BRIP1: variants seen among roughly 807,000 people sequenced by gnomAD.
BRIP1 encodes the protein Fanconi anemia group J protein.
In BRIP1, 88 loss-of-function variants were observed where a neutral mutation model predicts 119.7. The observed-to-expected ratio is 0.74, with a 90% CI of 0.62 to 0.88. The LOEUF is 0.88. BRIP1 is among the 40% of genes least tolerant of loss of function. The pLI, the probability that BRIP1 is intolerant of heterozygous loss-of-function variation, is 0.00. For missense variants in BRIP1, 1,259 were observed against 1,455.4 expected, an observed-to-expected ratio of 0.87 and a Z score of 2.20; for synonymous variants, 443 against 496.5, an observed-to-expected ratio of 0.89 and a Z score of 1.43.
rs2061588639 is a variant in BRIP1 at position 61,700,011 on chromosome 17, C to T, written c.2493-6499G>A. 6.6e-6 allele frequency among the ~76,000 whole-genome samples: 1 copy of T among 152,188 alleles called. No individual in the cohort carries two copies. The highest frequency in any genetic ancestry group is 2.1e-4 in the South Asian group (1 of 4,818). On this transcript the variant is annotated intron_variant, in intron 17 of 19. Coordinates refer to ENST00000259008, the MANE Select transcript of BRIP1 (RefSeq NM_032043.3). The surrounding 1 kb of genome is among the most constrained non-coding windows in gnomAD (Gnocchi z 4.1). ...AAGACTGGCTCCCTAGACTTTGTCC[C>T]ATGCACATGTTTTGTTCTCTTTGCT...
At chr17:61,707,757 C>T (rs565788615) in intron 17 of BRIP1, among the ~76,000 whole-genome samples, 31 of 151,896 alleles carry the variant, frequency 2.0e-4, no homozygotes, top group African/African-American at 6.8e-4. Context: ...TTTCTCCTAT[C>T]TGGGGGTTGG....
rs2076925236 is a variant in BRIP1, at chr17:61,736,840, AAAT to A, written c.2379+6170_2379+6172del. ...ATAAACACTAAATATGTGCTTTAGG[AAAT>A]AATAAAGGACACTGGTAAAGGTAAC... On this transcript the variant is annotated intron_variant, in intron 16 of 19. Transcript: ENST00000259008. The surrounding 1 kb of genome is among the most constrained non-coding windows in gnomAD (Gnocchi z 4.4). Among the ~76,000 whole-genome samples, 1 of 152,196 alleles carries A rather than the reference AAAT, an allele frequency of 6.6e-6. No individual in the cohort carries two copies. Among genetic ancestry groups the A allele is most frequent in the African/African-American group, 2.4e-5 (1 of 41,452 alleles).
chr17:61,777,834 A>G (rs1603330430), intron 13 of BRIP1, among the ~76,000 whole-genome samples: 4 of 151,356 alleles, frequency 2.6e-5, no homozygotes, highest in Admixed American at 2.6e-4. Context: ...ACCACTGGCC[A>G]TTAAGATAAA....
intron 17 of BRIP1, among the ~76,000 whole-genome samples, chr17:61,715,257 C>A (rs545625281): frequency 6.6e-6 from 1 of 151,588 alleles, no homozygotes; most frequent in East Asian, 1.9e-4. Flanking sequence ...TATTAAATAT[C>A]CTTCAGTTTC....
rs1463182736 is a variant in BRIP1 at position 61,805,031 on chromosome 17, A to G, written c.918+3436T>C. Among the ~76,000 whole-genome samples, 2 of 151,336 alleles carry G rather than the reference A, an allele frequency of 1.3e-5. No individual in the cohort carries two copies. Among genetic ancestry groups the G allele is most frequent in the African/African-American group, 2.4e-5 (1 of 41,188 alleles). Reference sequence around the variant, plus strand: ...TTAAATTGTATTTGTATACGTCTGTATAATAAATTAAATTGTATATATATA... The same window carrying G: ...TTAAATTGTATTTGTATACGTCTGTGTAATAAATTAAATTGTATATATATA... On this transcript the variant is annotated intron_variant, in intron 7 of 19. Transcript: ENST00000259008. The surrounding 1 kb of genome is among the most constrained non-coding windows in gnomAD (Gnocchi z 5.6).
At chr17:61,812,813 T>C (rs1483217846) in intron 6 of BRIP1, among the ~76,000 whole-genome samples, 1 of 152,180 alleles carries the variant, frequency 6.6e-6, no homozygotes, top group Non-Finnish European at 1.5e-5. Flanking sequence ...TCTACATTCT[T>C]TCAAAGATGA....
rs1060501741 is a variant in BRIP1, at chr17:61,799,298, A to C, written c.1142T>G (p.Met381Arg). 6.2e-7 allele frequency: 1 copy of C among 1,608,258 alleles called. No individual in the cohort carries two copies. Among genetic ancestry groups the C allele is most frequent in the East Asian group, 2.2e-5 (1 of 44,842 alleles). Residue 381 changes from methionine (M) to arginine (R), a missense_variant and splice_region_variant, in exon 9 of 20, where the codon ATG (methionine) becomes AGG (arginine). Physicochemically the swap from Met to Arg is moderately conservative, Grantham distance 91. This residue lies in a region of BRIP1 where 501 missense variants were observed against 544.0 expected (regional missense o/e 0.92). Coordinates refer to ENST00000259008, the MANE Select transcript of BRIP1 (RefSeq NM_032043.3). This position sits in a 1 kb window ranked among gnomAD's most constrained non-coding sequence, Gnocchi z 5.1. ...YLLDAQIRES[M>R]DLNLKEQVVI... Reference sequence around the variant, plus strand: ...AACCTGTTCTTTCAGATTTAAATCCATCTATAAGATAAAAGAATTTTCTTG... The same window carrying C: ...AACCTGTTCTTTCAGATTTAAATCCCTCTATAAGATAAAAGAATTTTCTTG...
rs533811822 is a variant in BRIP1, at chr17:61,693,984, T to G, written c.2493-472A>C. Among the ~76,000 whole-genome samples the G allele has an allele frequency of 6.6e-6, 1 of 152,282 alleles. No homozygotes were observed. The highest frequency in any genetic ancestry group is 2.1e-4 in the South Asian group (1 of 4,832). ...TAATATGGTAGATTACACTGGTTCA[T>G]TTTCAAACACTGAATCATCCTTGCA... On this transcript the variant is annotated intron_variant, in intron 17 of 19. Transcript: ENST00000259008. The surrounding 1 kb of genome is among the most constrained non-coding windows in gnomAD (Gnocchi z 4.2).
rs71153405 is a variant in BRIP1 at position 61,804,410 on chromosome 17, ATGTG to A, written c.919-2940_919-2937del. On this transcript the variant is annotated intron_variant, in intron 7 of 19. Transcript: ENST00000259008. This position sits in a 1 kb window ranked among gnomAD's most constrained non-coding sequence, Gnocchi z 4.5. Reference sequence around the variant, plus strand: ...AAGACTTTGAGGCAGCTATATACATATGTGTGTGTGTGTGTGTGTGTGTGTGTGT... The same window carrying A: ...AAGACTTTGAGGCAGCTATATACATATGTGTGTGTGTGTGTGTGTGTGTGT... Among the ~76,000 whole-genome samples the A allele has an allele frequency of 1.5e-3, 193 of 125,482 alleles. No individual in the cohort carries two copies. Among genetic ancestry groups the A allele is most frequent in the African/African-American group, 4.5e-3 (137 of 30,166 alleles). 82.3% of individuals were successfully genotyped at this position (125,482 alleles called of 152,430 possible).
In BRIP1 at chr17:61,735,756, G is replaced by A. The variant is rs1003799748; in HGVS notation, c.2379+7257C>T. ...GCCAAGGCTGCAGTGACCCATGACC[G>A]CACCACTGCACTCTAGCCTGGGCAA... On this transcript the variant is annotated intron_variant, in intron 16 of 19. Coordinates refer to ENST00000259008, the MANE Select transcript of BRIP1 (RefSeq NM_032043.3). This position sits in a 1 kb window ranked among gnomAD's most constrained non-coding sequence, Gnocchi z 4.4. 2.6e-5 allele frequency among the ~76,000 whole-genome samples: 4 copies of A among 151,950 alleles called. No individual in the cohort carries two copies. Among genetic ancestry groups the A allele is most frequent in the African/African-American group, 7.3e-5 (3 of 41,344 alleles).
At chr17:61,697,559 T>C (rs1469277071) in intron 17 of BRIP1, among the ~76,000 whole-genome samples, 1 of 152,010 alleles carries the variant, frequency 6.6e-6, no homozygotes, top group Non-Finnish European at 1.5e-5. Flanking sequence ...TCTCTGTATT[T>C]TCTTTGGTCA....
At position 61,795,558 on chromosome 17, in the gene BRIP1, T is replaced by C. The variant is rs2077886744; in HGVS notation, c.1341-1829A>G. On this transcript the variant is annotated intron_variant, in intron 9 of 19. Transcript: ENST00000259008. This position sits in a 1 kb window ranked among gnomAD's most constrained non-coding sequence, Gnocchi z 5.6. ...CTTAACATAGTGACTTCCAATTTTA[T>C]CCATTTTGTTGCAAATGACAGGATC... Among the ~76,000 whole-genome samples the C allele has an allele frequency of 6.6e-6, 1 of 152,132 alleles. No homozygotes were observed. The highest frequency in any genetic ancestry group is 2.1e-4 in the South Asian group (1 of 4,836).
rs868083847 is a variant in BRIP1, at chr17:61,848,047, A to C, written c.508-827T>G. Among the ~76,000 whole-genome samples, 12 of 152,220 alleles carry C rather than the reference A, an allele frequency of 7.9e-5. No homozygotes were observed. The highest frequency in any genetic ancestry group is 4.1e-4 in the South Asian group (2 of 4,834). On this transcript the variant is annotated intron_variant, in intron 5 of 19. Transcript: ENST00000259008. The surrounding 1 kb of genome is among the most constrained non-coding windows in gnomAD (Gnocchi z 4.3). ...CTAAAAACAAGGCTGAATTATAGAAATTTATAAAGACTGTAAGTGGAACAG... is the reference window on the plus strand; with the variant it reads ...CTAAAAACAAGGCTGAATTATAGAACTTTATAAAGACTGTAAGTGGAACAG...
rs914858240 is a variant in BRIP1, at chr17:61,705,048, T to C, written c.2492+10903A>G. Reference sequence around the variant, plus strand: ...GAACCTGTTACCCAGAAAGCAAGCATAGAACACAATAGGTAGTTTTTCAAC... The same window carrying C: ...GAACCTGTTACCCAGAAAGCAAGCACAGAACACAATAGGTAGTTTTTCAAC... On this transcript the variant is annotated intron_variant, in intron 17 of 19. Transcript: ENST00000259008. This position sits in a 1 kb window ranked among gnomAD's most constrained non-coding sequence, Gnocchi z 5.0. Among the ~76,000 whole-genome samples the C allele has an allele frequency of 5.3e-5, 8 of 152,146 alleles. No individual in the cohort carries two copies. Among genetic ancestry groups the C allele is most frequent in the African/African-American group, 1.9e-4 (8 of 41,448 alleles).
Position 61,754,262 on chromosome 17 carries a change from T to G in BRIP1, c.2098-9671A>C, listed in dbSNP as rs2077171718. Among the ~76,000 whole-genome samples, 1 of 152,126 alleles carries G rather than the reference T, an allele frequency of 6.6e-6. No individual in the cohort carries two copies. On this transcript the variant is annotated intron_variant, in intron 14 of 19. Transcript: ENST00000259008. The surrounding 1 kb of genome is among the most constrained non-coding windows in gnomAD (Gnocchi z 4.1). ...TCTCCTTCAATTCCCCATACTTCAG[T>G]CCTACTCTGCTACAATGGCTTCCTT...
chr17:61,776,617 A>C lies in BRIP1; in HGVS notation c.1936-55T>G. ...TATGCCTGAAAAAGGCATGGAAATTAGTATTTATTTGGAAGTATGTACATA... is the reference window on the plus strand; with the variant it reads ...TATGCCTGAAAAAGGCATGGAAATTCGTATTTATTTGGAAGTATGTACATA... On this transcript the variant is annotated intron_variant, in intron 13 of 19. Transcript: ENST00000259008. This position sits in a 1 kb window ranked among gnomAD's most constrained non-coding sequence, Gnocchi z 5.0. 1.3e-6 allele frequency: 2 copies of C among 1,557,984 alleles called. No homozygotes were observed. Among genetic ancestry groups the C allele is most frequent in the Admixed American group, 3.3e-5 (2 of 59,932 alleles).
At position 61,861,852 on chromosome 17, in the gene BRIP1, C is replaced by A; in HGVS notation, c.-30-283G>T. On this transcript the variant is annotated intron_variant, in intron 1 of 19. Coordinates refer to ENST00000259008, the MANE Select transcript of BRIP1 (RefSeq NM_032043.3). This position sits in a 1 kb window ranked among gnomAD's most constrained non-coding sequence, Gnocchi z 4.5. ...CTAAGCCACAGTGACTGCATGTACCCCATAGGATTGTGGTAATGATTAAGT... is the reference window on the plus strand; with the variant it reads ...CTAAGCCACAGTGACTGCATGTACCACATAGGATTGTGGTAATGATTAAGT... 1 of 446,890 alleles carries A rather than the reference C, an allele frequency of 2.2e-6. No individual in the cohort carries two copies. The highest frequency in any genetic ancestry group is 4.1e-6 in the Non-Finnish European group (1 of 242,636). 27.7% of individuals were successfully genotyped at this position (446,890 alleles called of 1,614,324 possible). A position where few individuals can be genotyped will look rare whatever the true frequency, so the allele number is the denominator to read the frequency against.
rs1013157348 is a variant in BRIP1 at position 61,700,684 on chromosome 17, C to T, written c.2493-7172G>A. On this transcript the variant is annotated intron_variant, in intron 17 of 19. Transcript: ENST00000259008. The surrounding 1 kb of genome is among the most constrained non-coding windows in gnomAD (Gnocchi z 4.1). ...TTATCTTCTTGGATGTATAAATTAA[C>T]GTTTTTCATCAAATTCGGAACGTTT... Among the ~76,000 whole-genome samples, 1 of 152,080 alleles carries T rather than the reference C, an allele frequency of 6.6e-6. No individual in the cohort carries two copies.
chr17:61,786,121 A>G (rs1326840255), intron 10 of BRIP1, among the ~76,000 whole-genome samples: 3 of 152,080 alleles, frequency 2.0e-5, no homozygotes, highest in African/African-American at 7.2e-5. Flanking sequence ...TACTGGCAGA[A>G]TAGAGAGTGA....
Sources: gnomAD v4.1 joint callset for allele counts (sites outside exome capture counted in the v4.1 genomes callset) on GRCh38, gnomAD v4.1.1 for gene constraint, gnomAD v4.1.1 regional missense constraint, Gnocchi (gnomAD v3.1) non-coding constraint, MANE v1.5 for transcripts, NCBI Gene and HGNC (gene_info 2026-07-23, HGNC 2026-07-21) for gene names.